FBXL3: variants seen among roughly 807,000 people sequenced by gnomAD.
FBXL3 encodes F-box/LRR-repeat protein 3.
Under a neutral mutation model 37.9 loss-of-function variants are expected in FBXL3, and 14 were observed. That is an observed-to-expected ratio of 0.37 (90% CI 0.24 to 0.58). The LOEUF (loss-of-function observed/expected upper bound fraction) is 0.58. Ranked by LOEUF, FBXL3 falls within the 20% of genes least tolerant of loss-of-function variation. The probability of loss-of-function intolerance (pLI) is 0.74; values close to 1 mark genes in which losing one functional copy is unlikely to be tolerated. For missense variants in FBXL3, 327 were observed against 511.1 expected (o/e 0.64, Z 3.47); for synonymous variants, 194 against 180.1 (o/e 1.08, Z -0.62).
chr13:77,008,012 A>T (rs891681062), intron 4 of FBXL3, among the ~76,000 whole-genome samples: 7 of 152,220 alleles, frequency 4.6e-5, no homozygotes, highest in African/African-American at 1.4e-4. Context: ...CCATCTATTA[A>T]AAAGAAATAA....
At chr13:77,024,684 A>AT (rs956123996) in intron 1 of FBXL3, among the ~76,000 whole-genome samples, 1 of 152,122 alleles carries the variant, frequency 6.6e-6, no homozygotes, top group Admixed American at 6.5e-5. Context: ...AGTTGACAAA[A>AT]TTTTTTTTAA....
At chr13:77,021,452 G>C (rs1378650977) in intron 2 of FBXL3, 61 bp downstream of exon 2, 1 of 1,295,364 alleles carries the variant, frequency 7.7e-7, no homozygotes, top group Non-Finnish European at 1.1e-6. Context: ...AGATGTACTG[G>C]TTTAGGAAAC....
At chr13:77,012,304 A>C (rs1206631901) in intron 4 of FBXL3, among the ~76,000 whole-genome samples, 1 of 98,220 alleles carries the variant, frequency 1.0e-5, no homozygotes, top group African/African-American at 2.6e-5. Flanking sequence ...AAATTCATAC[A>C]ACTCATTTGG....
chr13:77,009,623 A>T (rs988794815), intron 4 of FBXL3: 1 of 152,220 alleles, frequency 6.6e-6, no homozygotes, highest in Non-Finnish European at 1.5e-5. Flanking sequence ...TGGAGAGGAT[A>T]TGGAGAAATA....
At chr13:77,017,228 A>C (rs2034659411) in intron 3 of FBXL3, 1 of 152,188 alleles carries the variant, frequency 6.6e-6, no homozygotes. Context: ...CATTAGCTCC[A>C]TTCATGGTTC....
At chr13:77,008,205 A>C (rs1475918722) in intron 4 of FBXL3, among the ~76,000 whole-genome samples, 1 of 152,252 alleles carries the variant, frequency 6.6e-6, no homozygotes, top group Non-Finnish European at 1.5e-5. Context: ...ACCTAATCCT[A>C]ATAAAAACAG....
chr13:77,022,732 G>C (rs970769118), intron 1 of FBXL3, among the ~76,000 whole-genome samples: 5 of 152,144 alleles, frequency 3.3e-5, no homozygotes, highest in African/African-American at 1.2e-4. Flanking sequence ...TTGTGTTTCT[G>C]AATTATACCT....
Position 77,023,345 on chromosome 13 carries a change from A to AGTGT in FBXL3, c.-1-1488_-1-1485dup, listed in dbSNP as rs3037568. On this transcript the variant is annotated intron_variant, in intron 1 of 4. Coordinates refer to ENST00000355619, the MANE Select transcript of FBXL3 (RefSeq NM_012158.4). The stretch of plus-strand genomic sequence containing the variant: ...TTTGCTTTAAAATGGAGAGAGAGAG[A>AGTGT]GTGTGTGTGTGTGTGTGTGTGTGTG... Among the ~76,000 whole-genome samples, 229 of 147,584 alleles carry AGTGT rather than the reference A, an allele frequency of 1.6e-3. 1 individual carries two copies. The highest frequency in any genetic ancestry group is 3.4e-3 in the Middle Eastern group (1 of 290).
chr13:77,006,897 G>C lies in FBXL3; in HGVS notation c.*248C>G. ...GTAAACTGTTTAATACGTATAACTG[G>C]TTATTTCACATCCGAACCACATTAA... is the stretch of plus-strand genomic sequence containing the variant. On this transcript the variant is annotated 3_prime_UTR_variant, in exon 5 of 5. Coordinates refer to ENST00000355619, the MANE Select transcript of FBXL3 (RefSeq NM_012158.4). 2 of 1,316,730 alleles carry C rather than the reference G, an allele frequency of 1.5e-6. No individual in the cohort carries two copies. Among genetic ancestry groups the C allele is most frequent in the Non-Finnish European group, 1.9e-6 (2 of 1,032,934 alleles). 81.6% of individuals were successfully genotyped at this position (1,316,730 alleles called of 1,614,324 possible).
In FBXL3 at chr13:77,006,901, T is replaced by C. The variant is rs1382236520; in HGVS notation, c.*244A>G. 1 of 1,327,784 alleles carries C rather than the reference T, an allele frequency of 7.5e-7. No homozygotes were observed. The highest frequency in any genetic ancestry group is 1.5e-5 in the African/African-American group (1 of 68,036). The allele number at this position is 1,327,784 out of a possible 1,614,324, so 82.3% of individuals were successfully genotyped here. On this transcript the variant is annotated 3_prime_UTR_variant, in exon 5 of 5. Coordinates refer to ENST00000355619, the MANE Select transcript of FBXL3 (RefSeq NM_012158.4). ...ACTGTTTAATACGTATAACTGGTTATTTCACATCCGAACCACATTAAAAAA... is the reference window on the plus strand; with the variant it reads ...ACTGTTTAATACGTATAACTGGTTACTTCACATCCGAACCACATTAAAAAA...
At position 77,006,911 on chromosome 13, in the gene FBXL3, G is replaced by A. The variant is rs1011384281; in HGVS notation, c.*234C>T. The A allele has an allele frequency of 5.2e-6, 7 of 1,336,122 alleles. No individual in the cohort carries two copies. Among genetic ancestry groups the A allele is most frequent in the Admixed American group, 6.8e-5 (2 of 29,354 alleles). 82.8% of individuals were successfully genotyped at this position (1,336,122 alleles called of 1,614,324 possible). On this transcript the variant is annotated 3_prime_UTR_variant, in exon 5 of 5. Transcript: ENST00000355619. Reference sequence around the variant, plus strand: ...ACGTATAACTGGTTATTTCACATCCGAACCACATTAAAAAAAATTCGGAGA... The same window carrying A: ...ACGTATAACTGGTTATTTCACATCCAAACCACATTAAAAAAAATTCGGAGA...
rs1439821944 is a variant in FBXL3, at chr13:77,009,624, T to C, written c.644-1836A>G. On this transcript the variant is annotated intron_variant, in intron 4 of 4. Transcript: ENST00000355619. The stretch of plus-strand genomic sequence containing the variant: ...CAAACAACAGATGCTGGAGAGGATA[T>C]GGAGAAATAGGAACGCTATTACAGT... 3.9e-5 allele frequency: 6 copies of C among 152,120 alleles called. No individual in the cohort carries two copies. In the South Asian group the frequency reaches 6.2e-4, roughly 16 times the overall value. The allele number at this position is 152,120 out of a possible 1,614,324, so 9.4% of individuals were successfully genotyped here. A position where few individuals can be genotyped will look rare whatever the true frequency, so the allele number is the denominator to read the frequency against.
chr13:77,026,392 G>A, intron 1 of FBXL3: 2 of 984,642 alleles, frequency 2.0e-6, no homozygotes, highest in Non-Finnish European at 2.4e-6. Context: ...ACCCTGGGCA[G>A]TTTGCTTTGA....
At chr13:77,019,800 G>A (rs1236383734) in intron 2 of FBXL3, among the ~76,000 whole-genome samples, 1 of 151,784 alleles carries the variant, frequency 6.6e-6, no homozygotes, top group Non-Finnish European at 1.5e-5. Context: ...CCTGTGATGT[G>A]ACTCTTTTTT....
At position 77,019,329 on chromosome 13, in the gene FBXL3, A is replaced by C. The variant is rs543200886; in HGVS notation, c.349-607T>G. Among the ~76,000 whole-genome samples the C allele has an allele frequency of 2.0e-5, 3 of 151,916 alleles. No homozygotes were observed. In the East Asian group the frequency reaches 5.9e-4, roughly 30 times the overall value. The stretch of plus-strand genomic sequence containing the variant: ...CATACTTCTGCAAAGACATTTCCTA[A>C]GGGAAGGATAAAGGGCCAAAAAATC... On this transcript the variant is annotated intron_variant, in intron 2 of 4. Transcript: ENST00000355619.
intron 3 of FBXL3, 177 bp from the exon 4 acceptor site, chr13:77,015,757 C>G: frequency 2.6e-6 from 1 of 390,674 alleles, no homozygotes; most frequent in Admixed American, 4.5e-5. Context: ...AGGTGACTAT[C>G]TGTCATCTTT....
rs2034639379 is a variant in FBXL3 at position 77,016,199 on chromosome 13, CATCAT to C, written c.472-624_472-620del. The C allele has an allele frequency of 2.0e-5, 3 of 152,118 alleles. No homozygotes were observed. In the South Asian group the frequency reaches 6.2e-4, roughly 32 times the overall value. 9.4% of individuals were successfully genotyped at this position (152,118 alleles called of 1,614,324 possible). A position where few individuals can be genotyped will look rare whatever the true frequency, so the allele number is the denominator to read the frequency against. The stretch of plus-strand genomic sequence containing the variant: ...CACAAAAGCACCAATGAGTATCATT[CATCAT>C]ATATGTATATATTTGTATGTATGTA... On this transcript the variant is annotated intron_variant, in intron 3 of 4. Transcript: ENST00000355619.
At chr13:77,017,616 C>G (rs2034667865) in intron 3 of FBXL3, 1 of 152,134 alleles carries the variant, frequency 6.6e-6, no homozygotes, top group African/African-American at 2.4e-5. Context: ...AATGATCTTT[C>G]TGTACTTAGG....
Position 77,005,734 on chromosome 13 carries a change from C to T in FBXL3, c.*1411G>A, listed in dbSNP as rs2034440072. ...CTAAGACTGTTAGCTTCCTCAACCA[C>T]TGAGACACAATCTAAAAGTCACACC... is the stretch of plus-strand genomic sequence containing the variant. On this transcript the variant is annotated 3_prime_UTR_variant, in exon 5 of 5. Coordinates refer to ENST00000355619, the MANE Select transcript of FBXL3 (RefSeq NM_012158.4). The T allele has an allele frequency of 6.6e-6, 1 of 152,062 alleles. No homozygotes were observed. The highest frequency in any genetic ancestry group is 6.5e-5 in the Admixed American group (1 of 15,272). The allele number at this position is 152,062 out of a possible 1,614,324, so 9.4% of individuals were successfully genotyped here.
Sources: allele counts gnomAD v4.1 joint callset (sites outside exome capture counted in the v4.1 genomes callset), GRCh38; gene constraint gnomAD v4.1.1; transcripts MANE v1.5; gene names NCBI Gene and HGNC (gene_info 2026-07-23, HGNC 2026-07-21).